Variants in SIPA1L3 observed in about 807,000 individuals in gnomAD.
SIPA1L3 encodes signal-induced proliferation-associated 1-like protein 3.
A neutral mutation model predicts 150.1 loss-of-function variants in SIPA1L3; 59 were observed. The ratio of observed to expected loss-of-function variants is 0.39; its 90% CI spans 0.32 to 0.49. The LOEUF is 0.49. SIPA1L3 is among the 20% of genes least tolerant of loss of function. SIPA1L3 has a pLI of 0.86. For synonymous variants in SIPA1L3, 1,070 were observed against 1,077.6 expected, an observed-to-expected ratio of 0.99 and a Z score of 0.14; for missense variants, 2,211 against 2,489.5, an observed-to-expected ratio of 0.89 and a Z score of 2.38.
intron 2 of SIPA1L3, among the ~76,000 whole-genome samples, chr19:38,068,987 C>T (rs1969657208): frequency 6.6e-6 from 1 of 152,188 alleles, no homozygotes; most frequent in Admixed American, 6.5e-5. Flanking sequence ...CAGTGTTGAC[C>T]TTATGTTTAA....
intron 8 of SIPA1L3, among the ~76,000 whole-genome samples, chr19:38,113,600 C>G (rs1970816071): frequency 6.6e-6 from 1 of 151,644 alleles, no homozygotes; most frequent in East Asian, 1.9e-4. Context: ...CAGAGCAAGA[C>G]TCTCTCAAAA....
chr19:38,036,666 C>G (rs560775320), intron 2 of SIPA1L3, among the ~76,000 whole-genome samples: 1 of 152,334 alleles, frequency 6.6e-6, no homozygotes, highest in African/African-American at 2.4e-5. Flanking sequence ...ACAGGAATGC[C>G]TCTGATGGGC....
intron 2 of SIPA1L3, among the ~76,000 whole-genome samples, chr19:38,045,424 C>T (rs1470018726): frequency 6.6e-6 from 1 of 151,108 alleles, no homozygotes. Flanking sequence ...CGTAATTTAA[C>T]TGTGGCAATG....
intron 1 of SIPA1L3, among the ~76,000 whole-genome samples, chr19:38,024,046 T>G (rs1968445879): frequency 6.6e-6 from 1 of 150,816 alleles, no homozygotes; most frequent in African/African-American, 2.4e-5. Context: ...TAAAGGGGAG[T>G]GAAGAGGTAT....
chr19:38,036,481 A>G (rs855608), intron 2 of SIPA1L3, among the ~76,000 whole-genome samples: 131,644 of 152,206 alleles, frequency 0.86, 56,944 homozygotes, highest in East Asian at 0.92. Context: ...GCTTTGGGTC[A>G]TTTCATCTGC....
intron 2 of SIPA1L3, among the ~76,000 whole-genome samples, chr19:38,036,644 C>T: frequency 6.6e-6 from 1 of 152,208 alleles, no homozygotes; most frequent in East Asian, 1.9e-4. Context: ...TTCTAGCTGC[C>T]TTCATTCATT....
In SIPA1L3 at chr19:38,081,818, G is replaced by A; in HGVS notation, c.253G>A (p.Asp85Asn). ...GATGGGCGTGCGCGCAAGGGTGGCC[G>A]ACTGGCCGCCCAAGCGGGAGGCCCT... ...PKMGVRARVA[D>N]WPPKREALRE... is the part of the protein sequence containing the mutation. Residue 85 changes from aspartate (D) to asparagine (N), a missense_variant, in exon 3 of 22, where the codon GAC becomes AAC. By Grantham distance (23) the Asp-to-Asn change is conservative (BLOSUM62 1). Coordinates refer to ENST00000222345, the MANE Select transcript of SIPA1L3 (RefSeq NM_015073.3). 1.2e-6 allele frequency: 2 copies of A among 1,613,304 alleles called. No homozygotes were observed. The highest frequency in any genetic ancestry group is 1.7e-6 in the Non-Finnish European group (2 of 1,179,612).
At chr19:38,173,719 G>A (rs1269812146) in intron 15 of SIPA1L3, 1 of 152,348 alleles carries the variant, frequency 6.6e-6, no homozygotes, top group African/African-American at 2.4e-5. Flanking sequence ...CTGCCTGTGA[G>A]TGTTGGGAGG....
At chr19:37,925,048 CAAAA>C (rs753601542) in intron 1 of SIPA1L3, among the ~76,000 whole-genome samples, 2 of 84,272 alleles carry the variant, frequency 2.4e-5, no homozygotes, top group East Asian at 3.4e-4. Context: ...GACTCTGTCT[CAAAA>C]AAAAAAAAAA....
intron 2 of SIPA1L3, among the ~76,000 whole-genome samples, chr19:38,071,919 G>A (rs997389320): frequency 4.6e-5 from 7 of 152,254 alleles, no homozygotes; most frequent in African/African-American, 1.7e-4. Flanking sequence ...GGTTGGGAAT[G>A]TTCAGTTGCA....
In SIPA1L3 at chr19:38,106,573, A is replaced by C; in HGVS notation, c.2066A>C (p.Tyr689Ser). ...GGAACCCACTCCCTCTACACGATGT[A>C]CCAGGACTACGAGATCATGTTCCAT... ...STGTHSLYTMYQDYEIMFHVS... is the reference protein window; with the variant it reads ...STGTHSLYTMSQDYEIMFHVS... Residue 689 changes from tyrosine (Y) to serine (S), a missense_variant, in exon 7 of 22, where the codon TAC becomes TCC. Transcript: ENST00000222345. 2 of 1,614,020 alleles carry C rather than the reference A, an allele frequency of 1.2e-6. No individual in the cohort carries two copies. Among genetic ancestry groups the C allele is most frequent in the Non-Finnish European group, 1.7e-6 (2 of 1,179,906 alleles).
At chr19:37,962,269 G>A (rs748752395) in intron 1 of SIPA1L3, among the ~76,000 whole-genome samples, 2 of 151,096 alleles carry the variant, frequency 1.3e-5, no homozygotes, top group East Asian at 2.0e-4. Context: ...TCAGCCTCCC[G>A]AGTAGCTGGG....
intron 1 of SIPA1L3, among the ~76,000 whole-genome samples, chr19:38,013,864 T>C (rs1479998318): frequency 6.6e-6 from 1 of 152,244 alleles, no homozygotes; most frequent in African/African-American, 2.4e-5. Flanking sequence ...GAAGAGTGGG[T>C]AGGAGCACTG....
At chr19:37,997,938 A>G (rs1329729646) in intron 1 of SIPA1L3, among the ~76,000 whole-genome samples, 1 of 152,072 alleles carries the variant, frequency 6.6e-6, no homozygotes, top group Non-Finnish European at 1.5e-5. Context: ...TGGTCTCCCA[A>G]TTGGTAGAAG....
chr19:38,081,954 C>T lies in SIPA1L3; in HGVS notation c.389C>T (p.Pro130Leu), dbSNP rs777512925. The change falls in exon 3 of 22, where the codon CCG (proline) becomes CTG (leucine). Residue 130 changes from proline to leucine, a missense_variant. Pro to Leu is a moderately conservative substitution (Grantham distance 98). This residue lies in a region of SIPA1L3 where 587 missense variants were observed against 534.5 expected (regional missense o/e 1.10). Coordinates refer to ENST00000222345, the MANE Select transcript of SIPA1L3 (RefSeq NM_015073.3). ...AACGGACAGCCCCCCACCAGCACCC[C>T]GGCTTCCTCAGGGTCCAAAGCCTTC... ...IQNGQPPTST[P>L]ASSGSKAFHR... The T allele has an allele frequency of 5.0e-6, 8 of 1,613,994 alleles. No individual in the cohort carries two copies. Among genetic ancestry groups the T allele is most frequent in the East Asian group, 2.2e-5 (1 of 44,870 alleles).
intron 9 of SIPA1L3, among the ~76,000 whole-genome samples, chr19:38,125,892 G>T (rs1057321951): frequency 1.3e-5 from 2 of 152,168 alleles, no homozygotes; most frequent in African/African-American, 4.8e-5. Flanking sequence ...CACGCAATTC[G>T]GCCAAGCGCG....
chr19:37,956,556 T>C (rs1479390129), intron 1 of SIPA1L3, among the ~76,000 whole-genome samples: 2 of 144,702 alleles, frequency 1.4e-5, no homozygotes, highest in African/African-American at 5.2e-5. Flanking sequence ...CAATCTCGGC[T>C]CACTGCAATC....
chr19:37,994,120 T>A (rs1373688896), intron 1 of SIPA1L3, among the ~76,000 whole-genome samples: 1 of 152,156 alleles, frequency 6.6e-6, no homozygotes, highest in Non-Finnish European at 1.5e-5. Flanking sequence ...CAGACTGGTA[T>A]TGAACTTCTG....
chr19:38,129,629 A>AT (rs1971262844), intron 9 of SIPA1L3, among the ~76,000 whole-genome samples: 1 of 151,412 alleles, frequency 6.6e-6, no homozygotes, highest in Admixed American at 6.6e-5. Context: ...TGTCTCAAAA[A>AT]AAAAAAAAAA....
Sources: allele counts gnomAD v4.1 joint callset (sites outside exome capture counted in the v4.1 genomes callset), GRCh38; gene constraint gnomAD v4.1.1; regional missense constraint gnomAD v4.1.1; transcripts MANE v1.5; gene names NCBI Gene and HGNC (gene_info 2026-07-23, HGNC 2026-07-21).